AGBL1: variants seen among roughly 807,000 people sequenced by gnomAD.
AGBL1 encodes the protein cytosolic carboxypeptidase 4.
AGBL1 carries 130 observed loss-of-function variants against 118.9 expected under a neutral mutation model. That is an observed-to-expected ratio of 1.09 (90% confidence interval 0.95 to 1.26). The LOEUF is 1.26. Among genes scored for constraint, AGBL1 ranks in the 50% most tolerant of loss-of-function variants. The pLI is 0.00. For synonymous variants in AGBL1, 555 were observed against 478.9 expected (o/e 1.16, Z -2.08); for missense variants, 1,584 against 1,298.1 (o/e 1.22, Z -3.38).
chr15:86,267,732 C>T (rs981982966), intron 13 of AGBL1, among the ~76,000 whole-genome samples: 3 of 152,092 alleles, frequency 2.0e-5, no homozygotes, highest in African/African-American at 4.8e-5. Context: ...CAGAAGAGAC[C>T]GCGGTTCTCA....
chr15:86,788,926 G>A (rs972000533), intron 22 of AGBL1, among the ~76,000 whole-genome samples: 1 of 152,170 alleles, frequency 6.6e-6, no homozygotes. Context: ...TCACAGATAA[G>A]CACAAATCAT....
chr15:86,232,097 T>G (rs2078465315), intron 6 of AGBL1, among the ~76,000 whole-genome samples: 1 of 152,244 alleles, frequency 6.6e-6, no homozygotes, highest in South Asian at 2.1e-4. Flanking sequence ...AGACTCCTCA[T>G]GCCATGCTGT....
At chr15:86,172,918 A>T (rs1179934387) in intron 5 of AGBL1, among the ~76,000 whole-genome samples, 2 of 151,946 alleles carry the variant, frequency 1.3e-5, no homozygotes, top group African/African-American at 4.8e-5. Context: ...TTTTTTCAAA[A>T]CCTGCATATT....
intron 18 of AGBL1, among the ~76,000 whole-genome samples, chr15:86,417,436 C>G (rs1209380510): frequency 2.6e-5 from 4 of 152,178 alleles, no homozygotes; most frequent in Non-Finnish European, 5.9e-5. Flanking sequence ...TTACCTCACT[C>G]ATTAATGCAA....
chr15:86,627,541 G>C (rs547956417), intron 21 of AGBL1, among the ~76,000 whole-genome samples: 96 of 152,130 alleles, frequency 6.3e-4, no homozygotes, highest in Non-Finnish European at 1.1e-3. Flanking sequence ...AGCCTCAGTG[G>C]GAAAACGAAG....
At chr15:86,370,470 A>G (rs2080956433) in intron 17 of AGBL1, among the ~76,000 whole-genome samples, 1 of 151,994 alleles carries the variant, frequency 6.6e-6, no homozygotes, top group Non-Finnish European at 1.5e-5. Flanking sequence ...ATGACTGGCT[A>G]ATGCTTGTAG....
intron 1 of AGBL1, among the ~76,000 whole-genome samples, chr15:86,117,298 T>G (rs1328158238): frequency 6.6e-6 from 1 of 152,144 alleles, no homozygotes; most frequent in African/African-American, 2.4e-5. Context: ...AAACCGGCAG[T>G]CTGCTCTCCT....
chr15:86,168,874 T>C (rs1046938286), intron 5 of AGBL1, among the ~76,000 whole-genome samples: 2 of 152,366 alleles, frequency 1.3e-5, no homozygotes, highest in African/African-American at 4.8e-5. Flanking sequence ...TAGTTGAATA[T>C]TTTTAAGAGT....
At chr15:86,288,841 T>A (rs1294670987) in intron 16 of AGBL1, among the ~76,000 whole-genome samples, 2 of 152,150 alleles carry the variant, frequency 1.3e-5, no homozygotes, top group African/African-American at 2.4e-5. Context: ...TTCTGCTGTT[T>A]TTTGTGTTAT....
chr15:86,619,757 G>A (rs565181287), intron 21 of AGBL1, among the ~76,000 whole-genome samples: 4 of 152,226 alleles, frequency 2.6e-5, no homozygotes, highest in East Asian at 1.9e-4. Context: ...TACAATACCC[G>A]GGGCAGAGAG....
chr15:86,870,809 A>G (rs2079717000), intron 22 of AGBL1, among the ~76,000 whole-genome samples: 1 of 152,228 alleles, frequency 6.6e-6, no homozygotes, highest in South Asian at 2.1e-4. Context: ...CATCATATGT[A>G]CTGAGATTAC....
At chr15:86,821,668 C>T (rs1048396082) in intron 22 of AGBL1, among the ~76,000 whole-genome samples, 1 of 152,150 alleles carries the variant, frequency 6.6e-6, no homozygotes, top group African/African-American at 2.4e-5. Flanking sequence ...ATAATGTCAT[C>T]AGCATAAATG....
At chr15:86,304,126 A>C (rs1459161976) in intron 17 of AGBL1, among the ~76,000 whole-genome samples, 1 of 152,180 alleles carries the variant, frequency 6.6e-6, no homozygotes, top group Non-Finnish European at 1.5e-5. Flanking sequence ...AGGCTCCTCC[A>C]ATGGTCATTT....
intron 22 of AGBL1, among the ~76,000 whole-genome samples, chr15:86,875,544 T>C (rs1301939407): frequency 6.6e-6 from 1 of 152,228 alleles, no homozygotes; most frequent in African/African-American, 2.4e-5. Flanking sequence ...GTTTTATTAA[T>C]GCTTACTGGC....
At chr15:86,688,511 C>T (rs1295882375) in intron 22 of AGBL1, among the ~76,000 whole-genome samples, 1 of 151,960 alleles carries the variant, frequency 6.6e-6, no homozygotes, top group Non-Finnish European at 1.5e-5. Flanking sequence ...TTTTACTGTC[C>T]AAAACTGAGA....
intron 22 of AGBL1, among the ~76,000 whole-genome samples, chr15:86,751,763 CTGATA>C (rs1352707704): frequency 1.3e-5 from 2 of 152,048 alleles, no homozygotes; most frequent in Non-Finnish European, 2.9e-5. Context: ...GGTCTGCTTA[CTGATA>C]TGTGTATTTC....
rs555722081 is a variant in AGBL1 at position 86,560,180 on chromosome 15, G to A, written c.2994+5643G>A. Reference sequence around the variant, plus strand: ...ATATACTTTAAGTTCTAGGGTACATGTGCACAACAGGCAGGTTTGTTACAT... The same window carrying A: ...ATATACTTTAAGTTCTAGGGTACATATGCACAACAGGCAGGTTTGTTACAT... On this transcript the variant is annotated intron_variant, in intron 21 of 22. Coordinates refer to ENST00000614907, the MANE Select transcript of AGBL1 (RefSeq NM_001386094.1). Among the ~76,000 whole-genome samples the A allele has an allele frequency of 1.4e-3, 211 of 151,258 alleles. 6 individuals are homozygous for A. In the South Asian group the frequency reaches 0.043, roughly 31 times the overall value.
In AGBL1 at chr15:86,544,083, G is replaced by T. The variant is rs573695235; in HGVS notation, c.2686-1919G>T. On this transcript the variant is annotated intron_variant, in intron 19 of 22. Transcript: ENST00000614907. ...GGGAAACAAATATTTAGACTAGGAG[G>T]AGAGATTATTCTAACACTTAGCTTT... 3.3e-5 allele frequency among the ~76,000 whole-genome samples: 5 copies of T among 152,304 alleles called. No individual in the cohort carries two copies. The South Asian group carries it at 6.2e-4, about 19-fold the overall frequency.
chr15:86,789,627 G>T (rs2078463604), intron 22 of AGBL1, among the ~76,000 whole-genome samples: 1 of 152,104 alleles, frequency 6.6e-6, no homozygotes, highest in African/African-American at 2.4e-5. Flanking sequence ...GGCCAACCTG[G>T]ATTGCCACAG....
Sources: allele counts gnomAD v4.1 joint callset (sites outside exome capture counted in the v4.1 genomes callset), GRCh38; gene constraint gnomAD v4.1.1; transcripts MANE v1.5; gene names NCBI Gene and HGNC (gene_info 2026-07-23, HGNC 2026-07-21).